Variants in RASGRF2 observed in about 807,000 individuals in gnomAD.
RASGRF2 encodes ras-specific guanine nucleotide-releasing factor 2.
Under a neutral mutation model 151.0 loss-of-function variants are expected in RASGRF2, and 76 were observed. The ratio of observed to expected loss-of-function variants is 0.50; its 90% CI spans 0.42 to 0.61. RASGRF2 has a LOEUF of 0.61. Among genes scored for constraint, RASGRF2 ranks in the 20% least tolerant of loss-of-function variants. RASGRF2 has a pLI of 0.00. For missense variants in RASGRF2, 1,148 were observed against 1,564.6 expected (o/e 0.73, Z 4.49); for synonymous variants, 504 against 566.5 (o/e 0.89, Z 1.57).
At chr5:81,186,851 A>G (rs1242949440) in intron 18 of RASGRF2, among the ~76,000 whole-genome samples, 2 of 152,132 alleles carry the variant, frequency 1.3e-5, no homozygotes, top group Non-Finnish European at 2.9e-5. Flanking sequence ...AGTTAGGGTG[A>G]TCTTGATGGA....
intron 1 of RASGRF2, among the ~76,000 whole-genome samples, chr5:81,006,566 T>C (rs182733804): frequency 1.3e-5 from 2 of 152,306 alleles, no homozygotes; most frequent in Admixed American, 1.3e-4. Flanking sequence ...TTCTTCCTCC[T>C]GTGTTTTGGT....
chr5:81,178,990 G>T (rs1249489732), intron 17 of RASGRF2, among the ~76,000 whole-genome samples: 1 of 152,162 alleles, frequency 6.6e-6, no homozygotes, highest in Non-Finnish European at 1.5e-5. Context: ...CACCGCCTTG[G>T]CCTCTCAAAG....
chr5:81,121,717 AC>A (rs1242862927), intron 15 of RASGRF2, among the ~76,000 whole-genome samples: 3 of 152,140 alleles, frequency 2.0e-5, no homozygotes, highest in Non-Finnish European at 4.4e-5. Context: ...AGGTGCTTCT[AC>A]AAAACACAAA....
chr5:81,121,015 A>G (rs1753293059), intron 15 of RASGRF2, among the ~76,000 whole-genome samples: 1 of 151,848 alleles, frequency 6.6e-6, no homozygotes, highest in Non-Finnish European at 1.5e-5. Context: ...GTTTTTTTGT[A>G]TTGGTGTATG....
chr5:81,044,741 A>G (rs1226981575), intron 2 of RASGRF2, among the ~76,000 whole-genome samples: 3 of 152,088 alleles, frequency 2.0e-5, no homozygotes, highest in Admixed American at 6.5e-5. Context: ...TGGGATTCAA[A>G]CCCAAGTTGA....
At chr5:81,194,133 C>A (rs1755208724) in intron 18 of RASGRF2, among the ~76,000 whole-genome samples, 1 of 150,218 alleles carries the variant, frequency 6.7e-6, no homozygotes, top group Non-Finnish European at 1.5e-5. Flanking sequence ...TGCTTGAACC[C>A]AGGAGTTGGA....
At chr5:81,220,281 C>A (rs1580416960) in intron 26 of RASGRF2, among the ~76,000 whole-genome samples, 1 of 152,146 alleles carries the variant, frequency 6.6e-6, no homozygotes, top group Admixed American at 6.5e-5. Context: ...ACATCATATA[C>A]CGCCTTACTG....
intron 26 of RASGRF2, chr5:81,223,482 A>T (rs1755902899): frequency 6.6e-6 from 1 of 152,214 alleles, no homozygotes; most frequent in African/African-American, 2.4e-5. Context: ...TCTACTAAAA[A>T]TACAAAAAAT....
At chr5:81,079,631 A>G (rs1451309920) in intron 5 of RASGRF2, among the ~76,000 whole-genome samples, 1 of 152,102 alleles carries the variant, frequency 6.6e-6, no homozygotes, top group Non-Finnish European at 1.5e-5. Context: ...TTTTCAGAAG[A>G]TTCTTTTGCA....
chr5:81,122,392 T>A (rs1753333609), intron 15 of RASGRF2, among the ~76,000 whole-genome samples: 1 of 152,174 alleles, frequency 6.6e-6, no homozygotes, highest in Admixed American at 6.5e-5. Context: ...ACTGATTTTT[T>A]TTGTCTGCAT....
chr5:80,996,472 T>G, intron 1 of RASGRF2, among the ~76,000 whole-genome samples: 1 of 33,224 alleles, frequency 3.0e-5, no homozygotes, highest in African/African-American at 2.1e-4. Context: ...TGTGTAAAGT[T>G]TCTTCTTCTT....
At chr5:81,085,727 A>G (rs528441242) in intron 7 of RASGRF2, 75 bp from the exon 8 acceptor site, 2 of 1,576,898 alleles carry the variant, frequency 1.3e-6, no homozygotes, top group African/African-American at 2.7e-5. Context: ...TCTCGAAGCA[A>G]TGATGGCCCT....
In RASGRF2 at chr5:81,102,465, C is replaced by T. The variant is rs142734593; in HGVS notation, c.1756-6531C>T. Among the ~76,000 whole-genome samples, 613 of 152,184 alleles carry T rather than the reference C, an allele frequency of 4.0e-3. 6 individuals are homozygous for T. The highest frequency in any genetic ancestry group is 0.014 in the African/African-American group (593 of 41,524). Reference sequence around the variant, plus strand: ...ATCCCAGCACTTTGGGAGGCCAAGGCGGGTGGATCACTTGAGGTCAGGAGT... The same window carrying T: ...ATCCCAGCACTTTGGGAGGCCAAGGTGGGTGGATCACTTGAGGTCAGGAGT... On this transcript the variant is annotated intron_variant, in intron 12 of 26. Coordinates refer to ENST00000265080, the MANE Select transcript of RASGRF2 (RefSeq NM_006909.3).
Position 81,107,196 on chromosome 5 carries a change from C to CAAAAAAAA in RASGRF2, c.1756-1788_1756-1781dup, listed in dbSNP as rs35987554. Reference sequence around the variant, plus strand: ...ATAACATAGCACGAACCTGTCTCTACAAAAAAAAAAAAAAAAAAATCTCAC... The same window carrying CAAAAAAAA: ...ATAACATAGCACGAACCTGTCTCTACAAAAAAAAAAAAAAAAAAAAAAAAAAATCTCAC... On this transcript the variant is annotated intron_variant, in intron 12 of 26. Transcript: ENST00000265080. Among the ~76,000 whole-genome samples, 37 of 94,272 alleles carry CAAAAAAAA rather than the reference C, an allele frequency of 3.9e-4. 1 individual carries two copies. The highest frequency in any genetic ancestry group is 1.6e-3 in the African/African-American group (37 of 23,754). 61.8% of individuals were successfully genotyped at this position (94,272 alleles called of 152,430 possible). A position where few individuals can be genotyped will look rare whatever the true frequency, so the allele number is the denominator to read the frequency against.
At chr5:81,043,491 A>G (rs184933264) in intron 2 of RASGRF2, among the ~76,000 whole-genome samples, 3 of 152,318 alleles carry the variant, frequency 2.0e-5, no homozygotes, top group East Asian at 3.9e-4. Flanking sequence ...GACATCCTCT[A>G]TTTAAAGAAA....
chr5:81,134,303 A>G (rs1016040980), intron 17 of RASGRF2, among the ~76,000 whole-genome samples: 5 of 152,172 alleles, frequency 3.3e-5, no homozygotes, highest in Admixed American at 2.6e-4. Flanking sequence ...TTCATTCTAC[A>G]GTCTAGTATT....
At chr5:81,014,934 T>G (rs1386325862) in intron 1 of RASGRF2, among the ~76,000 whole-genome samples, 1 of 152,182 alleles carries the variant, frequency 6.6e-6, no homozygotes, top group Admixed American at 6.5e-5. Context: ...ATGTATTTAT[T>G]TTTGAGACAG....
intron 4 of RASGRF2, 82 bp downstream of exon 4, chr5:81,070,663 G>A (rs26419): frequency 7.1e-5 from 88 of 1,236,116 alleles, no homozygotes; most frequent in African/African-American, 6.9e-4. Context: ...CACCCTGTGC[G>A]TGAGCCGGGA....
At chr5:80,996,843 A>C (rs1342437253) in intron 1 of RASGRF2, among the ~76,000 whole-genome samples, 1 of 151,328 alleles carries the variant, frequency 6.6e-6, no homozygotes, top group African/African-American at 2.4e-5. Flanking sequence ...CAAGTGATCC[A>C]CCTGCCTCAG....
Sources: gnomAD v4.1 joint callset for allele counts (sites outside exome capture counted in the v4.1 genomes callset) on GRCh38, gnomAD v4.1.1 for gene constraint, MANE v1.5 for transcripts, NCBI Gene and HGNC (gene_info 2026-07-23, HGNC 2026-07-21) for gene names.